CTNNA2: variants seen among roughly 807,000 people sequenced by gnomAD.
CTNNA2 encodes the protein catenin alpha-2.
CTNNA2 carries 42 observed loss-of-function variants against 101.0 expected under a neutral mutation model. That is an observed-to-expected ratio of 0.42 (90% CI 0.32 to 0.54). CTNNA2 has a LOEUF of 0.54. CTNNA2 is among the 20% of genes least tolerant of loss of function. CTNNA2 has a pLI of 0.14. For synonymous variants in CTNNA2, 450 were observed against 456.4 expected, an observed-to-expected ratio of 0.99 and a Z score of 0.18; for missense variants, 871 against 1,223.1, an observed-to-expected ratio of 0.71 and a Z score of 4.29.
chr2:79,907,142 T>C (rs1036504958), intron 6 of CTNNA2, among the ~76,000 whole-genome samples: 5 of 152,192 alleles, frequency 3.3e-5, no homozygotes, highest in African/African-American at 1.2e-4. Flanking sequence ...TATATGATTC[T>C]GAAGAGTCTC....
chr2:80,374,858 AC>A (rs1469624460), intron 7 of CTNNA2, among the ~76,000 whole-genome samples: 3 of 151,818 alleles, frequency 2.0e-5, no homozygotes, highest in African/African-American at 7.3e-5. Context: ...AGGGTTTAGC[AC>A]TCCACAATGT....
At chr2:79,201,028 A>G (rs999113313) in intron 2 of CTNNA2, among the ~76,000 whole-genome samples, 3 of 152,182 alleles carry the variant, frequency 2.0e-5, no homozygotes, top group Non-Finnish European at 2.9e-5. Flanking sequence ...TGACTTGGCT[A>G]GCAAAAAGAT....
At chr2:80,626,690 TG>T (rs1348114918) in intron 18 of CTNNA2, among the ~76,000 whole-genome samples, 1 of 152,024 alleles carries the variant, frequency 6.6e-6, no homozygotes, top group Non-Finnish European at 1.5e-5. Flanking sequence ...AGCAAGAATT[TG>T]GGGAATGGAA....
At chr2:80,072,330 T>C (rs1176400199) in intron 7 of CTNNA2, among the ~76,000 whole-genome samples, 1 of 150,934 alleles carries the variant, frequency 6.6e-6, no homozygotes, top group Non-Finnish European at 1.5e-5. Flanking sequence ...ACCCCCAGTA[T>C]GTCCGCTGCC....
intron 7 of CTNNA2, among the ~76,000 whole-genome samples, chr2:80,229,257 G>C (rs546314136): frequency 6.6e-6 from 1 of 151,998 alleles, no homozygotes; most frequent in Admixed American, 6.6e-5. Flanking sequence ...CTCAATTCTG[G>C]TGCTAGCTAA....
chr2:79,261,300 C>T (rs1044756423), intron 2 of CTNNA2, among the ~76,000 whole-genome samples: 5 of 152,100 alleles, frequency 3.3e-5, no homozygotes, highest in Middle Eastern at 3.2e-3. Flanking sequence ...GGATAATACA[C>T]GTTGCACAAT....
At chr2:79,959,083 G>C in intron 7 of CTNNA2, among the ~76,000 whole-genome samples, 1 of 151,956 alleles carries the variant, frequency 6.6e-6, no homozygotes, top group African/African-American at 2.4e-5. Context: ...TGGAGGCAGG[G>C]TCTCAGTCTG....
chr2:79,238,441 A>C (rs1026079450), intron 2 of CTNNA2, among the ~76,000 whole-genome samples: 12 of 152,150 alleles, frequency 7.9e-5, no homozygotes, highest in Admixed American at 7.2e-4. Context: ...ATATAATATG[A>C]ATTACCAAAA....
chr2:79,552,921 T>C (rs913711149), intron 1 of CTNNA2, among the ~76,000 whole-genome samples: 1 of 152,242 alleles, frequency 6.6e-6, no homozygotes, highest in African/African-American at 2.4e-5. Context: ...TTGAAATTCC[T>C]TCAAGGACTT....
chr2:79,659,397 A>G (rs974924060), intron 2 of CTNNA2, among the ~76,000 whole-genome samples: 46 of 152,186 alleles, frequency 3.0e-4, no homozygotes, highest in Middle Eastern at 6.8e-3. Flanking sequence ...TATTCATGAT[A>G]TTGATAAATG....
At chr2:79,726,527 A>G (rs938387183) in intron 2 of CTNNA2, among the ~76,000 whole-genome samples, 12 of 152,092 alleles carry the variant, frequency 7.9e-5, no homozygotes, top group African/African-American at 2.7e-4. Flanking sequence ...TGCTCCTTAT[A>G]ATAACAAATG....
chr2:79,270,800 A>C (rs1401601672), intron 2 of CTNNA2, among the ~76,000 whole-genome samples: 1 of 151,902 alleles, frequency 6.6e-6, no homozygotes, highest in African/African-American at 2.4e-5. Flanking sequence ...GAATGAAGGA[A>C]TAAAAGAACA....
At chr2:79,261,647 T>C (rs1189653766) in intron 2 of CTNNA2, among the ~76,000 whole-genome samples, 1 of 152,250 alleles carries the variant, frequency 6.6e-6, no homozygotes, top group Non-Finnish European at 1.5e-5. Flanking sequence ...CAAGGAGCTC[T>C]GGTGTGTCTT....
chr2:80,137,945 T>C (rs1229432919), intron 7 of CTNNA2, among the ~76,000 whole-genome samples: 1 of 152,150 alleles, frequency 6.6e-6, no homozygotes, highest in Non-Finnish European at 1.5e-5. Flanking sequence ...ATGGAAGAAT[T>C]AGCTGTTAGA....
At chr2:79,800,626 C>A (rs1463870392) in intron 3 of CTNNA2, among the ~76,000 whole-genome samples, 2 of 152,136 alleles carry the variant, frequency 1.3e-5, no homozygotes, top group Non-Finnish European at 2.9e-5. Flanking sequence ...CAGAAGGGGA[C>A]AACAGCCAAG....
intron 7 of CTNNA2, among the ~76,000 whole-genome samples, chr2:80,306,394 C>G (rs986177107): frequency 7.7e-6 from 1 of 129,418 alleles, no homozygotes; most frequent in African/African-American, 3.5e-5. Flanking sequence ...CTTTTCTTTT[C>G]TTTTCTTTTC....
Position 79,286,334 on chromosome 2 carries a change from G to A in CTNNA2, c.-405-26375G>A, listed in dbSNP as rs571692517. On this transcript the variant is annotated intron_variant, in intron 2 of 21. Transcript: ENST00000466387. Reference sequence around the variant, plus strand: ...GTTATTTTGCTCGTTAGTTCATGCGGTTTCTTCCTAGTCTTGATGGTCTTT... The same window carrying A: ...GTTATTTTGCTCGTTAGTTCATGCGATTTCTTCCTAGTCTTGATGGTCTTT... 3.7e-4 allele frequency among the ~76,000 whole-genome samples: 57 copies of A among 152,292 alleles called. 1 individual carries two copies. The South Asian group carries it at 0.01, about 28-fold the overall frequency.
intron 7 of CTNNA2, among the ~76,000 whole-genome samples, chr2:80,161,001 A>G (rs1340598054): frequency 6.6e-6 from 1 of 152,036 alleles, no homozygotes; most frequent in Non-Finnish European, 1.5e-5. Flanking sequence ...ACTTTTGCCA[A>G]TTGCTTTTTC....
chr2:79,353,267 A>G (rs939905031), intron 3 of CTNNA2, among the ~76,000 whole-genome samples: 10 of 152,176 alleles, frequency 6.6e-5, no homozygotes, highest in Admixed American at 6.5e-5. Flanking sequence ...TTTAGCAGCA[A>G]GTTGTCTAAT....
Sources: gnomAD v4.1 joint callset for allele counts (sites outside exome capture counted in the v4.1 genomes callset) on GRCh38, gnomAD v4.1.1 for gene constraint, MANE v1.5 for transcripts, NCBI Gene and HGNC (gene_info 2026-07-23, HGNC 2026-07-21) for gene names.